The following KCTD20 variants were observed in gnomAD, a reference collection of about 807,000 sequenced individuals.
KCTD20 encodes the protein BTB/POZ domain-containing protein KCTD20.
KCTD20 carries 30 observed loss-of-function variants against 39.6 expected under a neutral mutation model. The ratio of observed to expected loss-of-function variants is 0.76; its 90% CI spans 0.57 to 1.03. KCTD20 has a LOEUF of 1.03. Ranked by LOEUF, KCTD20 falls within the 50% of genes least tolerant of loss-of-function variation. The pLI, the probability that KCTD20 is intolerant of heterozygous loss-of-function variation, is 0.00. For synonymous variants in KCTD20, 162 were observed against 180.6 expected (o/e 0.90, Z 0.83); for missense variants, 422 against 522.0 (o/e 0.81, Z 1.87).
At position 36,469,216 on chromosome 6, in the gene KCTD20, A is replaced by C. The variant is rs1206726334; in HGVS notation, c.-46-836A>C. On this transcript the variant is annotated intron_variant, in intron 1 of 7. Coordinates refer to ENST00000373731, the MANE Select transcript of KCTD20 (RefSeq NM_173562.5). The surrounding 1 kb of genome is among the most constrained non-coding windows in gnomAD (Gnocchi z 4.6). ...ATGCCAGTGGAAATTTGTACAGTGT[A>C]AACTGTGAAAGTGCTAAGTAGAGTG... 6.6e-6 allele frequency among the ~76,000 whole-genome samples: 1 copy of C among 152,218 alleles called. No individual in the cohort carries two copies. The highest frequency in any genetic ancestry group is 1.9e-4 in the East Asian group (1 of 5,200).
chr6:36,474,684 T>A, intron 2 of KCTD20, 105 bp from the exon 3 acceptor site: 2 of 1,079,090 alleles, frequency 1.9e-6, no homozygotes, highest in Non-Finnish European at 2.6e-6. Flanking sequence ...CATCTAAAAT[T>A]TGGGGGTTTT....
At chr6:36,470,284 T>C (rs761749986) in intron 2 of KCTD20, 27 bp downstream of exon 2, 62 of 1,569,134 alleles carry the variant, frequency 4.0e-5, no homozygotes, top group Middle Eastern at 1.8e-4. Context: ...TTGACTTAAT[T>C]TGGGGGGCTT....
intron 1 of KCTD20, among the ~76,000 whole-genome samples, chr6:36,456,358 A>C (rs1354326874): frequency 6.6e-6 from 1 of 152,156 alleles, no homozygotes; most frequent in Admixed American, 6.5e-5. Flanking sequence ...GGCTCACTGC[A>C]ACCTCTGCCT....
chr6:36,446,117 C>A (rs1455902709), intron 1 of KCTD20, among the ~76,000 whole-genome samples: 2 of 149,246 alleles, frequency 1.3e-5, no homozygotes, highest in African/African-American at 5.0e-5. Context: ...ACCTCTGCCT[C>A]CTGGGTTCAA....
In KCTD20 at chr6:36,479,708, C is replaced by G; in HGVS notation, c.655C>G (p.Leu219Val). Residue 219 changes from leucine to valine, a missense_variant, in exon 5 of 8, where the codon CTG (leucine) becomes GTG (valine). Transcript: ENST00000373731. ...FDFNTIRCQD[L>V]SALLHELSND... ...CTTCAACACTATCCGATGTCAAGAT[C>G]TGAGTAAGTACAGGAGCAGGTGCCA... 1 of 1,586,940 alleles carries G rather than the reference C, an allele frequency of 6.3e-7. No individual in the cohort carries two copies. The highest frequency in any genetic ancestry group is 1.1e-5 in the South Asian group (1 of 90,658).
rs541787992 is a variant in KCTD20, at chr6:36,466,405, A to T, written c.-46-3647A>T. Among the ~76,000 whole-genome samples, 20 of 143,320 alleles carry T rather than the reference A, an allele frequency of 1.4e-4. No individual in the cohort carries two copies. The South Asian group carries it at 4.4e-3, about 32-fold the overall frequency. The allele number at this position is 143,320 out of a possible 152,430, so 94.0% of individuals were successfully genotyped here. ...TTCTCTTTTTTTTTTTTTTTGAAACAGGGTCTTGCTCTGCTGCTCAGGCTG... is the reference window on the plus strand; with the variant it reads ...TTCTCTTTTTTTTTTTTTTTGAAACTGGGTCTTGCTCTGCTGCTCAGGCTG... On this transcript the variant is annotated intron_variant, in intron 1 of 7. Transcript: ENST00000373731.
At chr6:36,480,762 A>C (rs1024809043) in intron 5 of KCTD20, among the ~76,000 whole-genome samples, 2 of 152,156 alleles carry the variant, frequency 1.3e-5, no homozygotes, top group Admixed American at 1.3e-4. Context: ...CATGTTGGCC[A>C]GCCTGGTCTC....
In KCTD20 at chr6:36,460,462, C is replaced by A. The variant is rs375132531; in HGVS notation, c.-46-9590C>A. ...AGAACTACAGGTGCCCACCATCACA[C>A]CCAGCTAATTTTTTGTATTTTTAAT... On this transcript the variant is annotated intron_variant, in intron 1 of 7. Transcript: ENST00000373731. Among the ~76,000 whole-genome samples, 5 of 152,294 alleles carry A rather than the reference C, an allele frequency of 3.3e-5. No homozygotes were observed. The South Asian group carries it at 6.2e-4, about 19-fold the overall frequency.
At chr6:36,471,664 G>A (rs1350057078) in intron 2 of KCTD20, among the ~76,000 whole-genome samples, 1 of 152,162 alleles carries the variant, frequency 6.6e-6, no homozygotes, top group Non-Finnish European at 1.5e-5. Context: ...GCCTATGACT[G>A]CCGCTGAAGA....
chr6:36,450,202 T>TG (rs1775204204), intron 1 of KCTD20, among the ~76,000 whole-genome samples: 1 of 142,032 alleles, frequency 7.0e-6, no homozygotes, highest in Admixed American at 7.2e-5. Context: ...AAGTTATGTA[T>TG]TGGGGCCGGG....
chr6:36,467,572 G>A (rs879664313), intron 1 of KCTD20, among the ~76,000 whole-genome samples: 25 of 151,310 alleles, frequency 1.7e-4, no homozygotes, highest in Non-Finnish European at 2.8e-4. Context: ...TCCTGACCTC[G>A]TGATCCGCCC....
chr6:36,458,562 A>G (rs961155507), intron 1 of KCTD20, among the ~76,000 whole-genome samples: 13 of 148,980 alleles, frequency 8.7e-5, no homozygotes, highest in Non-Finnish European at 3.0e-5. Flanking sequence ...AAAAAAAAAG[A>G]AAAGAAAGAA....
Position 36,479,147 on chromosome 6 carries a change from A to G in KCTD20, c.461A>G (p.Asn154Ser). 6.2e-7 allele frequency: 1 copy of G among 1,613,468 alleles called. No homozygotes were observed. Among genetic ancestry groups the G allele is most frequent in the Non-Finnish European group, 8.5e-7 (1 of 1,179,434 alleles). ...GRMFGPGREYNFTRPNEKGEY... is the reference protein window; with the variant it reads ...GRMFGPGREYSFTRPNEKGEY... ...ATGTTTGGACCAGGAAGAGAGTACA[A>G]CTTCACTCGGCCCAATGAGAAGGGA... The change falls in exon 4 of 8, where the codon AAC becomes AGC. Residue 154 changes from asparagine (N) to serine (S), a missense_variant. Asn to Ser is a conservative substitution (Grantham distance 46). Coordinates refer to ENST00000373731, the MANE Select transcript of KCTD20 (RefSeq NM_173562.5).
chr6:36,447,894 G>C (rs569720876), intron 1 of KCTD20, among the ~76,000 whole-genome samples: 1 of 151,540 alleles, frequency 6.6e-6, no homozygotes, highest in South Asian at 2.1e-4. Context: ...TGGAGGCCAG[G>C]GCAGGTGGAT....
At chr6:36,446,131 A>AT (rs1379928252) in intron 1 of KCTD20, among the ~76,000 whole-genome samples, 4 of 146,848 alleles carry the variant, frequency 2.7e-5, no homozygotes, top group African/African-American at 1.0e-4. Flanking sequence ...GGTTCAAGCG[A>AT]TTCTCCTGCC....
intron 5 of KCTD20, among the ~76,000 whole-genome samples, chr6:36,480,288 C>T (rs1381920429): frequency 6.6e-6 from 1 of 152,108 alleles, no homozygotes; most frequent in Non-Finnish European, 1.5e-5. Context: ...GACTGCTTCC[C>T]TCTTGGGACT....
At chr6:36,475,933 C>T (rs1053070088) in intron 3 of KCTD20, among the ~76,000 whole-genome samples, 17 of 152,254 alleles carry the variant, frequency 1.1e-4, no homozygotes, top group Non-Finnish European at 2.2e-4. Flanking sequence ...TAAATAGAAT[C>T]TTTAAACCTA....
chr6:36,483,628 T>C (rs6899631), intron 6 of KCTD20, among the ~76,000 whole-genome samples: 42,135 of 151,776 alleles, frequency 0.28, 6,768 homozygotes, highest in African/African-American at 0.44. Context: ...GATTCTCCCA[T>C]CTCAGCCTCC....
intron 1 of KCTD20, among the ~76,000 whole-genome samples, chr6:36,462,460 G>A (rs1209441936): frequency 6.6e-6 from 1 of 152,088 alleles, no homozygotes; most frequent in Non-Finnish European, 1.5e-5. Context: ...CCCAAACATC[G>A]CCAGTCAGTG....
Sources: allele counts gnomAD v4.1 joint callset (sites outside exome capture counted in the v4.1 genomes callset), GRCh38; gene constraint gnomAD v4.1.1; non-coding constraint Gnocchi (gnomAD v3.1); transcripts MANE v1.5; gene names NCBI Gene and HGNC (gene_info 2026-07-23, HGNC 2026-07-21).